Variants in NCALD observed in about 807,000 individuals in gnomAD.
NCALD encodes the protein neurocalcin delta.
In NCALD, 10 loss-of-function variants were observed where a neutral mutation model predicts 18.6. The observed-to-expected ratio is 0.54, with a 90% CI of 0.33 to 0.91. The LOEUF is 0.91. Ranked by LOEUF, NCALD falls within the 40% of genes least tolerant of loss-of-function variation. The pLI is 0.03. For synonymous variants in NCALD, 88 were observed against 87.4 expected (o/e 1.01, Z -0.04); for missense variants, 184 against 247.6 (o/e 0.74, Z 1.72).
intron 2 of NCALD, among the ~76,000 whole-genome samples, chr8:101,698,629 AC>A (rs1815114159): frequency 6.6e-6 from 1 of 152,206 alleles, no homozygotes; most frequent in African/African-American, 2.4e-5. Context: ...ATAACACCAC[AC>A]ATCTACAACC....
chr8:102,065,030 AAAATC>A (rs1823961740), intron 1 of NCALD, among the ~76,000 whole-genome samples: 1 of 151,468 alleles, frequency 6.6e-6, no homozygotes, highest in African/African-American at 2.4e-5. Context: ...AAAAAAAAAA[AAAATC>A]AAGAAACCTC....
chr8:101,875,547 G>C (rs149181483), intron 4 of NCALD, among the ~76,000 whole-genome samples: 117 of 152,226 alleles, frequency 7.7e-4, no homozygotes, highest in African/African-American at 2.6e-3. Flanking sequence ...ATTGTGGTCT[G>C]TCTCTCTTTC....
intron 1 of NCALD, among the ~76,000 whole-genome samples, chr8:101,728,603 G>A (rs1033368543): frequency 1.1e-4 from 16 of 152,104 alleles, no homozygotes; most frequent in Admixed American, 3.9e-4. Flanking sequence ...GGCAGATCAC[G>A]AGGTCAGAAG....
At chr8:101,944,346 G>A (rs1819084297) in intron 2 of NCALD, among the ~76,000 whole-genome samples, 1 of 152,154 alleles carries the variant, frequency 6.6e-6, no homozygotes, top group African/African-American at 2.4e-5. Context: ...GATTTTCTCT[G>A]GAAGAGTTTG....
chr8:101,917,297 G>A (rs1378276167), intron 2 of NCALD, among the ~76,000 whole-genome samples: 1 of 151,974 alleles, frequency 6.6e-6, no homozygotes, highest in Non-Finnish European at 1.5e-5. Context: ...TGAAATAAAT[G>A]AAAACAGAGA....
chr8:102,023,880 C>T (rs1224673334), intron 1 of NCALD, among the ~76,000 whole-genome samples: 2 of 152,126 alleles, frequency 1.3e-5, no homozygotes, highest in Non-Finnish European at 2.9e-5. Context: ...TACAAATGGG[C>T]TATTCCAGGC....
chr8:101,824,670 A>G (rs77412460), intron 4 of NCALD, among the ~76,000 whole-genome samples: 6,293 of 152,170 alleles, frequency 0.041, 319 homozygotes, highest in East Asian at 0.12. Flanking sequence ...CTTCATCTTG[A>G]CAATAACATT....
intron 2 of NCALD, among the ~76,000 whole-genome samples, chr8:101,932,375 C>T (rs1818610171): frequency 6.6e-6 from 1 of 152,128 alleles, no homozygotes; most frequent in Admixed American, 6.5e-5. Flanking sequence ...AATCACATCC[C>T]CATTCGCCTA....
chr8:101,991,643 T>C (rs1437814546), intron 2 of NCALD, among the ~76,000 whole-genome samples: 3 of 151,980 alleles, frequency 2.0e-5, no homozygotes. Flanking sequence ...AGGAAGGCAA[T>C]ACAAGACCCT....
At chr8:101,831,345 T>A (rs1814178137) in intron 4 of NCALD, among the ~76,000 whole-genome samples, 1 of 152,164 alleles carries the variant, frequency 6.6e-6, no homozygotes, top group Non-Finnish European at 1.5e-5. Flanking sequence ...GATATGATTA[T>A]TACTGCTTGG....
chr8:101,934,329 G>A lies in NCALD; in HGVS notation c.-156-18471C>T, dbSNP rs77426070. 4.6e-5 allele frequency among the ~76,000 whole-genome samples: 7 copies of A among 152,270 alleles called. No homozygotes were observed. The East Asian group carries it at 1.4e-3, about 29-fold the overall frequency. ...AATAGCTAAATGGGTTTTGAAAAATGAGTGGGGAGAGCAAGAAAGGGAAGA... is the reference window on the plus strand; with the variant it reads ...AATAGCTAAATGGGTTTTGAAAAATAAGTGGGGAGAGCAAGAAAGGGAAGA... On this transcript the variant is annotated intron_variant, in intron 2 of 6. Transcript: ENST00000311028.
chr8:102,108,359 T>C (rs114430353), intron 1 of NCALD, among the ~76,000 whole-genome samples: 2,635 of 152,304 alleles, frequency 0.017, 103 homozygotes, highest in African/African-American at 0.06. Flanking sequence ...AAGTTGGGGC[T>C]GAAAAGTGTA....
At chr8:101,978,541 G>C (rs1820506412) in intron 2 of NCALD, among the ~76,000 whole-genome samples, 1 of 152,220 alleles carries the variant, frequency 6.6e-6, no homozygotes, top group Admixed American at 6.5e-5. Context: ...AGACCTGGGA[G>C]GTCAGCCCAG....
chr8:101,754,164 C>T (rs895080721), intron 1 of NCALD, among the ~76,000 whole-genome samples: 1 of 152,154 alleles, frequency 6.6e-6, no homozygotes, highest in Non-Finnish European at 1.5e-5. Context: ...CCTAGCTTTC[C>T]TTTGCATTTC....
intron 2 of NCALD, among the ~76,000 whole-genome samples, chr8:102,006,892 G>A (rs1350827490): frequency 6.6e-6 from 1 of 152,088 alleles, no homozygotes; most frequent in Non-Finnish European, 1.5e-5. Flanking sequence ...TGTCCTGCTG[G>A]GTCCCTCAGT....
intron 3 of NCALD, among the ~76,000 whole-genome samples, chr8:101,896,142 G>A (rs1479345013): frequency 6.6e-6 from 1 of 151,458 alleles, no homozygotes. Context: ...AACCAAAACA[G>A]CATGGTACTG....
At chr8:101,820,407 G>A (rs779594514) in intron 4 of NCALD, among the ~76,000 whole-genome samples, 11 of 152,010 alleles carry the variant, frequency 7.2e-5, no homozygotes, top group Admixed American at 2.6e-4. Context: ...ATTTTTAAAT[G>A]TGTTTAATAA....
intron 1 of NCALD, among the ~76,000 whole-genome samples, chr8:102,032,619 T>C (rs1260626504): frequency 7.6e-5 from 4 of 52,896 alleles, no homozygotes; most frequent in African/African-American, 2.9e-4. Context: ...ATAGAAAAAC[T>C]GCTAAAAAAA....
intron 1 of NCALD, among the ~76,000 whole-genome samples, chr8:102,081,403 T>G (rs1824520403): frequency 6.6e-6 from 1 of 151,994 alleles, no homozygotes; most frequent in Non-Finnish European, 1.5e-5. Flanking sequence ...CCTTTTCATA[T>G]AGAAAATTGA....
Sources: gnomAD v4.1 joint callset for allele counts (sites outside exome capture counted in the v4.1 genomes callset) on GRCh38, gnomAD v4.1.1 for gene constraint, MANE v1.5 for transcripts, NCBI Gene and HGNC (gene_info 2026-07-23, HGNC 2026-07-21) for gene names.